Variants in KCNQ3 observed in about 807,000 individuals in gnomAD.
KCNQ3 encodes the protein potassium voltage-gated channel subfamily KQT member 3.
A neutral mutation model predicts 92.5 loss-of-function variants in KCNQ3; 30 were observed. That is an observed-to-expected ratio of 0.32 (90% CI 0.24 to 0.44). The LOEUF (loss-of-function observed/expected upper bound fraction) is 0.44, where lower values mean the gene tolerates loss of function less well. KCNQ3 is among the 20% of genes least tolerant of loss of function. The pLI is 1.00. For missense variants in KCNQ3, 913 were observed against 1,140.3 expected, an observed-to-expected ratio of 0.80 and a Z score of 2.87; for synonymous variants, 450 against 468.8, an observed-to-expected ratio of 0.96 and a Z score of 0.52.
At chr8:132,284,098 C>T (rs1008254924) in intron 1 of KCNQ3, among the ~76,000 whole-genome samples, 2 of 152,140 alleles carry the variant, frequency 1.3e-5, no homozygotes, top group Non-Finnish European at 1.5e-5. Flanking sequence ...CGAGATGCCA[C>T]AAGGAGATCC....
intron 1 of KCNQ3, among the ~76,000 whole-genome samples, chr8:132,364,944 G>A (rs1819277606): frequency 6.6e-6 from 1 of 152,018 alleles, no homozygotes; most frequent in Admixed American, 6.6e-5. Context: ...AACTAAGCAG[G>A]GAGTGCTAAC....
intron 1 of KCNQ3, among the ~76,000 whole-genome samples, chr8:132,474,631 C>T (rs1280110451): frequency 6.6e-6 from 1 of 152,126 alleles, no homozygotes; most frequent in Admixed American, 6.5e-5. Flanking sequence ...TTAACCAGAA[C>T]CCTTACAGAA....
At chr8:132,235,225 G>A (rs148764701) in intron 1 of KCNQ3, among the ~76,000 whole-genome samples, 219 of 152,086 alleles carry the variant, frequency 1.4e-3, no homozygotes, top group Non-Finnish European at 2.2e-3. Flanking sequence ...CTGGCCGGGC[G>A]CAGTGGCTCA....
At chr8:132,364,538 C>A (rs971820600) in intron 1 of KCNQ3, among the ~76,000 whole-genome samples, 2 of 152,162 alleles carry the variant, frequency 1.3e-5, no homozygotes, top group Non-Finnish European at 2.9e-5. Flanking sequence ...GTCACTGCTG[C>A]TTTTTTGTAC....
At chr8:132,408,075 C>T (rs982598648) in intron 1 of KCNQ3, among the ~76,000 whole-genome samples, 4 of 151,174 alleles carry the variant, frequency 2.6e-5, no homozygotes, top group Non-Finnish European at 5.9e-5. Context: ...CAGCCACCCA[C>T]CCACCCACCA....
At chr8:132,213,886 A>G (rs1274811177) in intron 1 of KCNQ3, among the ~76,000 whole-genome samples, 3 of 152,200 alleles carry the variant, frequency 2.0e-5, no homozygotes, top group East Asian at 3.9e-4. Context: ...TGAGTGCAGC[A>G]TTTCAAATGG....
At chr8:132,222,848 T>C (rs1037256585) in intron 1 of KCNQ3, among the ~76,000 whole-genome samples, 2 of 152,208 alleles carry the variant, frequency 1.3e-5, no homozygotes, top group Non-Finnish European at 2.9e-5. Flanking sequence ...GAAGAAAGCA[T>C]AACTTCACAC....
Position 132,174,015 on chromosome 8 carries a change from A to G in KCNQ3, c.1044+224T>C, listed in dbSNP as rs75627911. Among the ~76,000 whole-genome samples the G allele has an allele frequency of 0.029, 4,416 of 152,300 alleles. 236 individuals carry two copies. Among genetic ancestry groups the G allele is most frequent in the African/African-American group, 0.1 (4,240 of 41,544 alleles). ...ATGCCCAGAGCGACTAGCTCAGCCT[A>G]AAGAAGGCAGCATTGAAAGAGGAGT... On this transcript the variant is annotated intron_variant, in intron 6 of 14. Coordinates refer to ENST00000388996, the MANE Select transcript of KCNQ3 (RefSeq NM_004519.4).
chr8:132,235,961 G>A (rs558949186), intron 1 of KCNQ3, among the ~76,000 whole-genome samples: 1 of 152,308 alleles, frequency 6.6e-6, no homozygotes, highest in South Asian at 2.1e-4. Flanking sequence ...GGCGGGAGTG[G>A]GCTCCATGCT....
chr8:132,271,203 C>A (rs1038818551), intron 1 of KCNQ3, among the ~76,000 whole-genome samples: 2 of 152,216 alleles, frequency 1.3e-5, no homozygotes, highest in African/African-American at 2.4e-5. Context: ...AGCCATTGCT[C>A]CAGGACTTGG....
At chr8:132,415,361 GTC>G (rs1820767017) in intron 1 of KCNQ3, among the ~76,000 whole-genome samples, 1 of 152,208 alleles carries the variant, frequency 6.6e-6, no homozygotes, top group Non-Finnish European at 1.5e-5. Flanking sequence ...ACAGTGAGGT[GTC>G]TCTTGCCCTG....
intron 1 of KCNQ3, among the ~76,000 whole-genome samples, chr8:132,375,874 C>T (rs1289615150): frequency 6.6e-6 from 1 of 152,224 alleles, no homozygotes; most frequent in Non-Finnish European, 1.5e-5. Context: ...CTATGCTCAC[C>T]TTACGCTCTC....
intron 1 of KCNQ3, among the ~76,000 whole-genome samples, chr8:132,220,198 G>A (rs1160943739): frequency 6.6e-6 from 1 of 152,102 alleles, no homozygotes; most frequent in Non-Finnish European, 1.5e-5. Context: ...CATGCAGACT[G>A]GGTGAGTTCT....
intron 1 of KCNQ3, among the ~76,000 whole-genome samples, chr8:132,378,344 A>T (rs974605437): frequency 1.3e-5 from 2 of 152,124 alleles, no homozygotes; most frequent in African/African-American, 4.8e-5. Context: ...GTGAGCCAAG[A>T]TCATGCCACT....
intron 1 of KCNQ3, among the ~76,000 whole-genome samples, chr8:132,354,806 G>A (rs1450150039): frequency 6.6e-6 from 1 of 152,196 alleles, no homozygotes; most frequent in Admixed American, 6.5e-5. Flanking sequence ...CTCATTTCCT[G>A]TACTGCTGGG....
At chr8:132,243,896 C>T (rs944937214) in intron 1 of KCNQ3, among the ~76,000 whole-genome samples, 1 of 152,178 alleles carries the variant, frequency 6.6e-6, no homozygotes, top group Admixed American at 6.5e-5. Flanking sequence ...TAGATATTAT[C>T]ATTCTTGGAT....
intron 4 of KCNQ3, 23 bp downstream of exon 4, chr8:132,180,134 T>C (rs372645105): frequency 6.2e-7 from 1 of 1,613,446 alleles, no homozygotes; most frequent in African/African-American, 1.3e-5. Context: ...CATGTGGTCC[T>C]GCAGTTTCTC....
intron 1 of KCNQ3, among the ~76,000 whole-genome samples, chr8:132,407,368 G>A (rs1275943926): frequency 6.6e-6 from 1 of 152,196 alleles, no homozygotes; most frequent in Non-Finnish European, 1.5e-5. Flanking sequence ...AAAACAAAGT[G>A]ATTGATTTTT....
chr8:132,160,056 AT>A (rs933851186), intron 9 of KCNQ3, among the ~76,000 whole-genome samples: 3 of 152,216 alleles, frequency 2.0e-5, no homozygotes, highest in Non-Finnish European at 4.4e-5. Flanking sequence ...TCATCATAGG[AT>A]CATGGGGATA....
Sources: gnomAD v4.1 joint callset for allele counts (sites outside exome capture counted in the v4.1 genomes callset) on GRCh38, gnomAD v4.1.1 for gene constraint, MANE v1.5 for transcripts, NCBI Gene and HGNC (gene_info 2026-07-23, HGNC 2026-07-21) for gene names.